Variants in GPC5 observed in about 807,000 individuals in gnomAD.
The protein encoded by GPC5 is glypican-5.
GPC5 carries 47 observed loss-of-function variants against 53.9 expected under a neutral mutation model. That is an observed-to-expected ratio of 0.87 (90% confidence interval 0.69 to 1.11). The LOEUF is 1.11. GPC5 is among the 50% of genes most tolerant of loss of function. The pLI is 0.00. For missense variants in GPC5, 748 were observed against 713.1 expected (o/e 1.05, Z -0.56); for synonymous variants, 286 against 263.3 (o/e 1.09, Z -0.84).
intron 6 of GPC5, among the ~76,000 whole-genome samples, chr13:92,061,193 A>G (rs1470804115): frequency 6.6e-6 from 1 of 152,044 alleles, no homozygotes; most frequent in Non-Finnish European, 1.5e-5. Context: ...AATCACAATT[A>G]CATAAACCAA....
chr13:92,853,599 C>A (rs1878886856), intron 7 of GPC5, among the ~76,000 whole-genome samples: 1 of 152,010 alleles, frequency 6.6e-6, no homozygotes, highest in African/African-American at 2.4e-5. Context: ...GAAACAAAGG[C>A]TAGTAAGCTT....
At chr13:92,274,432 C>T (rs868491900) in intron 7 of GPC5, among the ~76,000 whole-genome samples, 2 of 152,112 alleles carry the variant, frequency 1.3e-5, no homozygotes, top group African/African-American at 2.4e-5. Flanking sequence ...TGCAAACATA[C>T]CACCCTTCTC....
At chr13:92,116,861 G>T (rs934009855) in intron 6 of GPC5, among the ~76,000 whole-genome samples, 4 of 152,102 alleles carry the variant, frequency 2.6e-5, no homozygotes, top group Non-Finnish European at 4.4e-5. Flanking sequence ...ATTGAAATAT[G>T]TTTAATTTTT....
intron 6 of GPC5, among the ~76,000 whole-genome samples, chr13:92,123,840 T>C (rs1487095898): frequency 2.0e-5 from 3 of 152,196 alleles, no homozygotes; most frequent in Admixed American, 6.5e-5. Context: ...CATTACCAAA[T>C]ATATTCTTAA....
At chr13:92,732,730 C>G (rs1000362217) in intron 7 of GPC5, among the ~76,000 whole-genome samples, 7 of 151,672 alleles carry the variant, frequency 4.6e-5, no homozygotes, top group East Asian at 1.9e-4. Context: ...TATCTTCTTA[C>G]CAAGCCTGCT....
At chr13:92,146,386 G>A (rs1282179497) in intron 7 of GPC5, among the ~76,000 whole-genome samples, 2 of 152,000 alleles carry the variant, frequency 1.3e-5, no homozygotes, top group African/African-American at 4.8e-5. Context: ...CATTTATTTA[G>A]GGCATGTATT....
intron 7 of GPC5, among the ~76,000 whole-genome samples, chr13:92,736,028 T>C (rs911759245): frequency 6.6e-6 from 1 of 152,040 alleles, no homozygotes; most frequent in Non-Finnish European, 1.5e-5. Context: ...CCCAGTTGTT[T>C]AGATAAACTA....
In GPC5 at chr13:91,884,613, T is replaced by C. The variant is rs565275170; in HGVS notation, c.1281-23324T>C. On this transcript the variant is annotated intron_variant, in intron 5 of 7. Coordinates refer to ENST00000377067, the MANE Select transcript of GPC5 (RefSeq NM_004466.6). ...AAGCAGAGAAGTGATATGATCTGAA[T>C]TGTATTTCTGAGATCTCTCTGGCAC... Among the ~76,000 whole-genome samples the C allele has an allele frequency of 4.1e-4, 63 of 152,322 alleles. 1 individual carries two copies. The South Asian group carries it at 0.013, about 32-fold the overall frequency.
chr13:91,621,761 T>TATATATATATATATATATATA (rs11462875), intron 2 of GPC5, among the ~76,000 whole-genome samples: 1,346 of 46,412 alleles, frequency 0.029, 391 homozygotes, highest in Non-Finnish European at 0.036. Context: ...GGACAGAACA[T>TATATATATATATATATATATA]TATATATATA....
chr13:92,698,503 T>G (rs1887631239), intron 7 of GPC5, among the ~76,000 whole-genome samples: 1 of 152,202 alleles, frequency 6.6e-6, no homozygotes, highest in Non-Finnish European at 1.5e-5. Context: ...AACTCATCAT[T>G]TTTTATGGCT....
intron 5 of GPC5, among the ~76,000 whole-genome samples, chr13:91,860,423 G>A (rs941476128): frequency 4.7e-5 from 7 of 148,130 alleles, no homozygotes; most frequent in African/African-American, 1.8e-4. Context: ...TGGCCGAATA[G>A]TACTTCATCA....
At chr13:92,677,808 G>A (rs1594412680) in intron 7 of GPC5, among the ~76,000 whole-genome samples, 1 of 152,212 alleles carries the variant, frequency 6.6e-6, no homozygotes, top group East Asian at 1.9e-4. Flanking sequence ...CACACTGTTT[G>A]CCCAGGAAAT....
At chr13:92,446,969 A>C (rs1437851033) in intron 7 of GPC5, 3 of 152,074 alleles carry the variant, frequency 2.0e-5, no homozygotes, top group African/African-American at 7.2e-5. Context: ...GTCCATTTTT[A>C]AATTGGATTG....
At chr13:91,592,120 A>G (rs372657356) in intron 2 of GPC5, among the ~76,000 whole-genome samples, 4 of 152,230 alleles carry the variant, frequency 2.6e-5, no homozygotes, top group Admixed American at 6.5e-5. Context: ...TCATTTCTAG[A>G]TGTTTTTAGA....
intron 6 of GPC5, among the ~76,000 whole-genome samples, chr13:92,121,881 G>C (rs1334186036): frequency 6.6e-6 from 1 of 152,082 alleles, no homozygotes; most frequent in Admixed American, 6.5e-5. Context: ...AAATTTATTT[G>C]CTTATAAAAT....
At chr13:92,176,958 G>T (rs2042113273) in intron 7 of GPC5, among the ~76,000 whole-genome samples, 1 of 152,160 alleles carries the variant, frequency 6.6e-6, no homozygotes, top group Non-Finnish European at 1.5e-5. Flanking sequence ...CTATGCTATA[G>T]TTGTAAACAA....
intron 6 of GPC5, among the ~76,000 whole-genome samples, chr13:92,066,625 C>A (rs1383987627): frequency 6.6e-6 from 1 of 152,008 alleles, no homozygotes; most frequent in Non-Finnish European, 1.5e-5. Context: ...GGTAGACGTG[C>A]AAGAGCTTGC....
At position 92,536,873 on chromosome 13, in the gene GPC5, A is replaced by T. The variant is rs1321913185; in HGVS notation, c.1562-329409A>T. Among the ~76,000 whole-genome samples the T allele has an allele frequency of 3.3e-5, 5 of 152,176 alleles. No homozygotes were observed. The East Asian group carries it at 9.7e-4, about 29-fold the overall frequency. ...ACAATATATCAAATTTTAATCTTTT[A>T]TTTTTGTTATGCAGGCTTATTAGTG... On this transcript the variant is annotated intron_variant, in intron 7 of 7. Transcript: ENST00000377067.
chr13:92,844,493 C>T (rs1878537154), intron 7 of GPC5, among the ~76,000 whole-genome samples: 1 of 151,798 alleles, frequency 6.6e-6, no homozygotes, highest in Admixed American at 6.6e-5. Context: ...AATAGATTTC[C>T]TTAATACATC....
Sources: allele counts gnomAD v4.1 joint callset (sites outside exome capture counted in the v4.1 genomes callset), GRCh38; gene constraint gnomAD v4.1.1; transcripts MANE v1.5; gene names NCBI Gene and HGNC (gene_info 2026-07-23, HGNC 2026-07-21).